MYLK: variants seen among roughly 807,000 people sequenced by gnomAD.
MYLK encodes myosin light chain kinase.
A neutral mutation model predicts 203.4 loss-of-function variants in MYLK; 106 were observed. The ratio of observed to expected loss-of-function variants is 0.52; its 90% CI spans 0.45 to 0.61. MYLK has a LOEUF of 0.61. MYLK is among the 20% of genes least tolerant of loss of function. MYLK has a pLI of 0.00. For synonymous variants in MYLK, 867 were observed against 959.5 expected (o/e 0.90, Z 1.78); for missense variants, 2,072 against 2,442.3 (o/e 0.85, Z 3.20).
At chr3:123,806,075 CT>C (rs1481638353) in intron 3 of MYLK, among the ~76,000 whole-genome samples, 1 of 114,034 alleles carries the variant, frequency 8.8e-6, no homozygotes, top group African/African-American at 2.6e-5. Context: ...TTAATTCATG[CT>C]TTTATTTTTA....
At position 123,733,045 on chromosome 3, in the gene MYLK, C is replaced by A. The variant is rs781619913; in HGVS notation, c.1367G>T (p.Arg456Ile). The change falls in exon 11 of 34, where the codon AGA becomes ATA. Residue 456 changes from arginine to isoleucine, a missense_variant. Arg to Ile is a moderately conservative substitution (Grantham distance 97). Transcript: ENST00000360304. ...ATAAACCTCAATGCTGCCTTCCTGT[C>A]TCCTCACGGGGGTGCCTTCCAGGAA... Reference protein sequence around the residue: ...AWFLEGTPVRRQEGSIEVYED... With the variant: ...AWFLEGTPVRIQEGSIEVYED... 2 of 1,614,158 alleles carry A rather than the reference C, an allele frequency of 1.2e-6. No homozygotes were observed. The highest frequency in any genetic ancestry group is 1.7e-6 in the Non-Finnish European group (2 of 1,180,018).
At chr3:123,827,672 G>C (rs529540913) in intron 3 of MYLK, among the ~76,000 whole-genome samples, 131 of 106,824 alleles carry the variant, frequency 1.2e-3, no homozygotes, top group African/African-American at 4.6e-3. Flanking sequence ...CTTACATCTG[G>C]AAATGAAAAG....
At chr3:123,632,259 C>T (rs1308366686) in intron 29 of MYLK, among the ~76,000 whole-genome samples, 1 of 152,162 alleles carries the variant, frequency 6.6e-6, no homozygotes, top group Non-Finnish European at 1.5e-5. Flanking sequence ...CCCCGACCCC[C>T]ACGTGGCCCA....
At chr3:123,641,542 G>T (rs1036692160) in intron 27 of MYLK, among the ~76,000 whole-genome samples, 3 of 151,300 alleles carry the variant, frequency 2.0e-5, no homozygotes, top group Admixed American at 2.0e-4. Flanking sequence ...TGTCTCAAAA[G>T]TGAAAGAAAG....
At chr3:123,726,679 G>A (rs954597305) in intron 11 of MYLK, among the ~76,000 whole-genome samples, 1 of 152,144 alleles carries the variant, frequency 6.6e-6, no homozygotes, top group Non-Finnish European at 1.5e-5. Flanking sequence ...CGGGGACCTG[G>A]GAATATGCAG....
chr3:123,745,087 T>A (rs2062975224), intron 5 of MYLK, among the ~76,000 whole-genome samples: 1 of 152,192 alleles, frequency 6.6e-6, no homozygotes, highest in African/African-American at 2.4e-5. Context: ...TTCCTTTTAA[T>A]CTTCCCTCTA....
Position 123,613,680 on chromosome 3 carries a change from G to C in MYLK, c.*425C>G, listed in dbSNP as rs185636158. 2.4e-4 allele frequency: 54 copies of C among 224,184 alleles called. 1 individual carries two copies. Among genetic ancestry groups the C allele is most frequent in the African/African-American group, 8.0e-4 (34 of 42,586 alleles). The allele number at this position is 224,184 out of a possible 1,614,324, so 13.9% of individuals were successfully genotyped here. On this transcript the variant is annotated 3_prime_UTR_variant, in exon 34 of 34. Transcript: ENST00000360304. ...AGAAAACCCAGTTCTCTAGAGTCAG[G>C]GGGTGGGGAGAGAGAGGCCTCCCAT...
chr3:123,738,978 T>G lies in MYLK; in HGVS notation c.507A>C (p.Arg169=). 1 of 1,613,628 alleles carries G rather than the reference T, an allele frequency of 6.2e-7. No individual in the cohort carries two copies. Among genetic ancestry groups the G allele is most frequent in the Non-Finnish European group, 8.5e-7 (1 of 1,179,852 alleles). The change falls in exon 7 of 34, where the codon CGA becomes CGC. Residue 169 remains arginine (R), a synonymous_variant. Coordinates refer to ENST00000360304, the MANE Select transcript of MYLK (RefSeq NM_053025.4). ...CPPKFATKLG[R]VVVKEGQMGR... is the part of the protein sequence containing the mutation. ...CCATCTGTCCTTCTTTGACCACAAC[T>G]CGGCCCAGCTTGGTAGCAAACTTTG...
At chr3:123,708,072 A>C in intron 15 of MYLK, 69 bp from the exon 16 acceptor site, 17 of 1,598,002 alleles carry the variant, frequency 1.1e-5, no homozygotes, top group Non-Finnish European at 1.4e-5. Flanking sequence ...TCAATTCTCC[A>C]TGGAGGTGAA....
At chr3:123,675,281 C>G (rs930116833) in intron 20 of MYLK, among the ~76,000 whole-genome samples, 2 of 152,212 alleles carry the variant, frequency 1.3e-5, no homozygotes, top group African/African-American at 4.8e-5. Context: ...GATCTGGAAG[C>G]CTCCTGGGAA....
rs931085009 is a variant in MYLK, at chr3:123,760,425, G to A, written c.166-7887C>T. Among the ~76,000 whole-genome samples the A allele has an allele frequency of 2.0e-5, 3 of 152,282 alleles. No homozygotes were observed. In the South Asian group the frequency reaches 6.2e-4, roughly 32 times the overall value. ...ACTCCCGACCTAAGGTGATCCATCT[G>A]CCTCGGCCTCCCAAAGTGCTGGGAT... On this transcript the variant is annotated intron_variant, in intron 4 of 33. Transcript: ENST00000360304.
chr3:123,682,267 G>C lies in MYLK; in HGVS notation c.3609C>G (p.Ser1203=). Residue 1203 remains serine, a synonymous_variant, in exon 20 of 34, where the codon TCC becomes TCG. Coordinates refer to ENST00000360304, the MANE Select transcript of MYLK (RefSeq NM_053025.4). The part of the protein sequence containing the change: ...SENTKAPEMK[S]RRPKSSLPPV... Reference sequence around the variant, plus strand: ...GAGGAAGAGAGCTCTTGGGCCTCCGGGATTTCATCTCTGGGGCCTTGGTGT... The same window carrying C: ...GAGGAAGAGAGCTCTTGGGCCTCCGCGATTTCATCTCTGGGGCCTTGGTGT... The C allele has an allele frequency of 1.2e-6, 2 of 1,604,364 alleles. No individual in the cohort carries two copies. The highest frequency in any genetic ancestry group is 1.7e-6 in the Non-Finnish European group (2 of 1,175,744).
At chr3:123,689,665 C>G (rs903184482) in intron 19 of MYLK, 9 of 152,234 alleles carry the variant, frequency 5.9e-5, no homozygotes, top group African/African-American at 2.2e-4. Flanking sequence ...GCAAAGTGCA[C>G]AAGAGTCTCT....
intron 2 of MYLK, among the ~76,000 whole-genome samples, chr3:123,865,097 A>G (rs2032236840): frequency 6.6e-6 from 1 of 152,120 alleles, no homozygotes; most frequent in African/African-American, 2.4e-5. Flanking sequence ...TCTGGTTTGA[A>G]TGTCACTGGC....
intron 31 of MYLK, chr3:123,622,461 A>G (rs1031749136): frequency 2.6e-5 from 4 of 152,230 alleles, no homozygotes; most frequent in African/African-American, 4.8e-5. Flanking sequence ...GGGCTCCCCA[A>G]TTCCAGACAT....
At chr3:123,829,846 A>G (rs2066262767) in intron 3 of MYLK, among the ~76,000 whole-genome samples, 1 of 152,208 alleles carries the variant, frequency 6.6e-6, no homozygotes, top group African/African-American at 2.4e-5. Context: ...GAAGGGCATG[A>G]GTTCTAGACT....
At chr3:123,650,313 T>C (rs937795452) in intron 24 of MYLK, among the ~76,000 whole-genome samples, 11 of 152,176 alleles carry the variant, frequency 7.2e-5, no homozygotes, top group Admixed American at 3.3e-4. Flanking sequence ...GGCTGCGTCC[T>C]GGCTGACAGC....
intron 5 of MYLK, among the ~76,000 whole-genome samples, chr3:123,740,991 G>A (rs1339287436): frequency 6.6e-6 from 1 of 152,192 alleles, no homozygotes; most frequent in Non-Finnish European, 1.5e-5. Flanking sequence ...TTTATTTTGA[G>A]GGGTGGGGTG....
At chr3:123,799,068 A>C (rs1467543085) in intron 3 of MYLK, among the ~76,000 whole-genome samples, 1 of 152,168 alleles carries the variant, frequency 6.6e-6, no homozygotes, top group South Asian at 2.1e-4. Context: ...GGTCTTATTC[A>C]ATACAAGCTA....
Sources: gnomAD v4.1 joint callset for allele counts (sites outside exome capture counted in the v4.1 genomes callset) on GRCh38, gnomAD v4.1.1 for gene constraint, MANE v1.5 for transcripts, NCBI Gene and HGNC (gene_info 2026-07-23, HGNC 2026-07-21) for gene names.